The following ACER3 variants were observed in gnomAD, a reference collection of about 807,000 sequenced individuals.
ACER3 encodes the protein alkCDase 3.
In ACER3, 16 loss-of-function variants were observed where a neutral mutation model predicts 48.9. The ratio of observed to expected loss-of-function variants is 0.33; its 90% CI spans 0.22 to 0.50. ACER3 has a LOEUF of 0.50. Among genes scored for constraint, ACER3 ranks in the 20% least tolerant of loss-of-function variants. The pLI is 0.98. For missense variants in ACER3, 227 were observed against 326.0 expected (o/e 0.70, Z 2.34); for synonymous variants, 109 against 107.8 (o/e 1.01, Z -0.07).
chr11:76,922,952 C>A (rs1039094769), intron 1 of ACER3, among the ~76,000 whole-genome samples: 4 of 152,026 alleles, frequency 2.6e-5, no homozygotes, highest in African/African-American at 9.7e-5. Context: ...CTTAATACAT[C>A]TATGAAACTA....
At chr11:76,870,320 G>A (rs1376913971) in intron 1 of ACER3, among the ~76,000 whole-genome samples, 5 of 149,270 alleles carry the variant, frequency 3.3e-5, no homozygotes. Flanking sequence ...TTTTTGTAGA[G>A]ATGAGGTCTC....
At chr11:76,969,322 T>C (rs1243873423) in intron 3 of ACER3, among the ~76,000 whole-genome samples, 2 of 152,086 alleles carry the variant, frequency 1.3e-5, no homozygotes, top group Non-Finnish European at 2.9e-5. Flanking sequence ...TGTGGAGAAA[T>C]AGGAACACTT....
intron 1 of ACER3, among the ~76,000 whole-genome samples, chr11:76,895,633 AAAAT>A (rs1258886595): frequency 2.0e-5 from 3 of 152,214 alleles, no homozygotes; most frequent in African/African-American, 7.2e-5. Flanking sequence ...CAAAATGAGG[AAAAT>A]TGATTAGGTC....
At chr11:76,942,393 A>AT (rs901074641) in intron 2 of ACER3, among the ~76,000 whole-genome samples, 98 of 150,130 alleles carry the variant, frequency 6.5e-4, no homozygotes, top group Admixed American at 1.5e-3. Context: ...GTTTTAATGG[A>AT]TTTTTTTTTG....
At chr11:76,910,385 A>C (rs77943610) in intron 1 of ACER3, among the ~76,000 whole-genome samples, 3,348 of 152,256 alleles carry the variant, frequency 0.022, 59 homozygotes, top group Admixed American at 0.038. Context: ...TATTTTTTCT[A>C]ACAAATTATT....
chr11:76,912,706 T>G (rs1946414296), intron 1 of ACER3, among the ~76,000 whole-genome samples: 1 of 116,988 alleles, frequency 8.5e-6, no homozygotes, highest in African/African-American at 2.5e-5. Context: ...ATTTTTTCTC[T>G]TGTGTTTATA....
intron 7 of ACER3, among the ~76,000 whole-genome samples, chr11:77,003,096 TA>T (rs1949066756): frequency 6.6e-6 from 1 of 152,228 alleles, no homozygotes; most frequent in South Asian, 2.1e-4. Context: ...CTATATACTT[TA>T]AAAGGGTTAA....
At chr11:76,890,827 A>G (rs1286127412) in intron 1 of ACER3, among the ~76,000 whole-genome samples, 1 of 152,194 alleles carries the variant, frequency 6.6e-6, no homozygotes, top group African/African-American at 2.4e-5. Flanking sequence ...TAAATGATCT[A>G]TTATAGTAAT....
chr11:76,933,642 C>A (rs1471761905), intron 2 of ACER3, among the ~76,000 whole-genome samples: 1 of 152,124 alleles, frequency 6.6e-6, no homozygotes, highest in Non-Finnish European at 1.5e-5. Flanking sequence ...AAGAATTTTT[C>A]TTAGTACAGA....
At position 76,983,463 on chromosome 11, in the gene ACER3, G is replaced by A. The variant is rs1278283734; in HGVS notation, c.321-2180G>A. Among the ~76,000 whole-genome samples the A allele has an allele frequency of 5.9e-5, 9 of 151,828 alleles. No homozygotes were observed. The East Asian group carries it at 9.7e-4, about 16-fold the overall frequency. ...CTCAAGTAGCTGCGACTACAAGTGC[G>A]CTCCACCATGCCCAGCTAATTTTTG... On this transcript the variant is annotated intron_variant, in intron 4 of 10. Transcript: ENST00000532485.
At chr11:76,950,399 ATATATATATAT>A (rs1565194994) in intron 2 of ACER3, among the ~76,000 whole-genome samples, 2 of 30,134 alleles carry the variant, frequency 6.6e-5, no homozygotes, top group African/African-American at 2.2e-4. Flanking sequence ...ATATATATAT[ATATATATATAT>A]AATTTACACA....
intron 7 of ACER3, among the ~76,000 whole-genome samples, chr11:77,009,378 G>A (rs1280987952): frequency 6.6e-6 from 1 of 152,170 alleles, no homozygotes; most frequent in Non-Finnish European, 1.5e-5. Flanking sequence ...ACCAAGCCAT[G>A]AGAGTGCCCC....
intron 7 of ACER3, among the ~76,000 whole-genome samples, chr11:76,999,069 G>A (rs548212534): frequency 1.3e-5 from 2 of 152,192 alleles, no homozygotes; most frequent in African/African-American, 4.8e-5. Flanking sequence ...AGCTGTCGAC[G>A]ATGGCCTTGT....
At chr11:76,898,149 T>A (rs994938202) in intron 1 of ACER3, among the ~76,000 whole-genome samples, 2 of 152,220 alleles carry the variant, frequency 1.3e-5, no homozygotes, top group Non-Finnish European at 2.9e-5. Flanking sequence ...ACCATTGCTT[T>A]TGTGCCATTA....
chr11:76,959,299 C>T, intron 3 of ACER3: 1 of 1,113,558 alleles, frequency 9.0e-7, no homozygotes, highest in Non-Finnish European at 1.2e-6. Context: ...AGCAGAGTCA[C>T]ATGGGGACAT....
intron 2 of ACER3, among the ~76,000 whole-genome samples, chr11:76,956,361 CAAAG>C (rs1947840408): frequency 6.6e-6 from 1 of 151,816 alleles, no homozygotes; most frequent in Non-Finnish European, 1.5e-5. Flanking sequence ...AGGAAAATAA[CAAAG>C]AAAAAAGAGG....
intron 2 of ACER3, among the ~76,000 whole-genome samples, chr11:76,958,290 G>A (rs1947896066): frequency 6.7e-6 from 1 of 149,632 alleles, no homozygotes; most frequent in Admixed American, 6.8e-5. Context: ...GGGTTCAAAC[G>A]ATTCTCTTGC....
chr11:77,007,491 A>C (rs1409949033), intron 7 of ACER3, among the ~76,000 whole-genome samples: 1 of 152,130 alleles, frequency 6.6e-6, no homozygotes, highest in Admixed American at 6.5e-5. Flanking sequence ...CCCTCTCCCT[A>C]CTAGGCCACT....
chr11:76,882,568 T>G (rs1055803601), intron 1 of ACER3, among the ~76,000 whole-genome samples: 37 of 152,224 alleles, frequency 2.4e-4, no homozygotes, highest in Admixed American at 1.8e-3. Flanking sequence ...TTATAGCGAT[T>G]TATTTAACAT....
Sources: gnomAD v4.1 joint callset for allele counts (sites outside exome capture counted in the v4.1 genomes callset) on GRCh38, gnomAD v4.1.1 for gene constraint, MANE v1.5 for transcripts, NCBI Gene and HGNC (gene_info 2026-07-23, HGNC 2026-07-21) for gene names.